PTPRD: variants seen among roughly 807,000 people sequenced by gnomAD.
PTPRD encodes the protein protein tyrosine phosphatase receptor type D.
PTPRD carries 34 observed loss-of-function variants against 214.5 expected under a neutral mutation model. That is an observed-to-expected ratio of 0.16 (90% CI 0.12 to 0.21). PTPRD has a LOEUF of 0.21. Among genes scored for constraint, PTPRD ranks in the 10% least tolerant of loss-of-function variants. The probability of loss-of-function intolerance (pLI) is 1.00; values close to 1 mark genes in which losing one functional copy is unlikely to be tolerated. For synonymous variants in PTPRD, 1,128 were observed against 845.7 expected (o/e 1.33, Z -5.79); for missense variants, 2,545 against 2,398.7 (o/e 1.06, Z -1.27).
At chr9:9,370,171 G>A (rs2059065468) in intron 9 of PTPRD, among the ~76,000 whole-genome samples, 2 of 152,024 alleles carry the variant, frequency 1.3e-5, no homozygotes, top group East Asian at 1.9e-4. Context: ...GCTTGATGGG[G>A]ATGGCATTGA....
chr9:8,331,856 A>C (rs1841553087), intron 43 of PTPRD, 120 bp from the exon 44 acceptor site: 16 of 1,223,600 alleles, frequency 1.3e-5, no homozygotes, highest in Non-Finnish European at 1.5e-5. Flanking sequence ...AGAAAAAGTT[A>C]GGAACATGTT....
chr9:10,309,322 G>T (rs1372677472), intron 3 of PTPRD, among the ~76,000 whole-genome samples: 3 of 151,544 alleles, frequency 2.0e-5, no homozygotes, highest in Non-Finnish European at 4.4e-5. Context: ...AAACCCAACT[G>T]ATTTCTTTCT....
intron 11 of PTPRD, among the ~76,000 whole-genome samples, chr9:8,844,500 G>A (rs1033042717): frequency 6.6e-6 from 1 of 151,956 alleles, no homozygotes; most frequent in African/African-American, 2.4e-5. Context: ...ATTTTTAAAA[G>A]CCTTGAAATA....
At chr9:8,485,605 G>A (rs920955931) in intron 28 of PTPRD, 157 bp downstream of exon 28, 1 of 705,956 alleles carries the variant, frequency 1.4e-6, no homozygotes. Flanking sequence ...GAAATCTAAG[G>A]CATCCAAGAC....
intron 37 of PTPRD, among the ~76,000 whole-genome samples, chr9:8,387,101 C>G (rs932564133): frequency 5.9e-5 from 9 of 152,284 alleles, no homozygotes; most frequent in Admixed American, 5.9e-4. Flanking sequence ...GAATAAAAAT[C>G]ACAAGACAGC....
chr9:9,012,130 G>A (rs2099514346), intron 11 of PTPRD, among the ~76,000 whole-genome samples: 2 of 152,166 alleles, frequency 1.3e-5, no homozygotes, highest in Non-Finnish European at 2.9e-5. Flanking sequence ...TCCTGGAGCT[G>A]AGAGTAGCCT....
At chr9:9,558,144 C>A (rs1017169359) in intron 8 of PTPRD, among the ~76,000 whole-genome samples, 6 of 152,136 alleles carry the variant, frequency 3.9e-5, no homozygotes, top group Non-Finnish European at 8.8e-5. Context: ...TCTCTGGGTG[C>A]CAGCGCGCCC....
chr9:10,370,028 C>G (rs957393820), intron 2 of PTPRD, among the ~76,000 whole-genome samples: 1 of 151,990 alleles, frequency 6.6e-6, no homozygotes, highest in African/African-American at 2.4e-5. Flanking sequence ...ATTATTATCC[C>G]TTTTCTACAG....
chr9:10,475,591 T>A lies in PTPRD; in HGVS notation c.-599-134574A>T, dbSNP rs111291942. ...CTGGTACCATTACTTCTGAAACTAT[T>A]CCAAACAATAGAAAAAAAGGGACTC... is the stretch of plus-strand genomic sequence containing the variant. On this transcript the variant is annotated intron_variant, in intron 2 of 45. Coordinates refer to ENST00000381196, the MANE Select transcript of PTPRD (RefSeq NM_002839.4). 7.1e-3 allele frequency among the ~76,000 whole-genome samples: 1,077 copies of A among 152,028 alleles called. 13 individuals are homozygous for A. Among genetic ancestry groups the A allele is most frequent in the African/African-American group, 0.025 (1,034 of 41,502 alleles).
At chr9:9,223,214 G>C (rs1041444960) in intron 9 of PTPRD, among the ~76,000 whole-genome samples, 8 of 151,880 alleles carry the variant, frequency 5.3e-5, no homozygotes, top group African/African-American at 9.7e-5. Flanking sequence ...AGAGCTGTGT[G>C]GGGGAGGTGG....
intron 7 of PTPRD, among the ~76,000 whole-genome samples, chr9:9,697,481 A>T (rs370837851): frequency 9.4e-4 from 143 of 152,082 alleles, no homozygotes; most frequent in African/African-American, 2.9e-3. Flanking sequence ...TCATTTTTTT[A>T]AATTTCAACA....
intron 12 of PTPRD, among the ~76,000 whole-genome samples, chr9:8,639,737 A>T (rs148463695): frequency 6.6e-6 from 1 of 152,318 alleles, no homozygotes; most frequent in East Asian, 1.9e-4. Flanking sequence ...TTGCCATGTA[A>T]GGACCTAAAT....
At chr9:9,388,664 A>G (rs1169262675) in intron 9 of PTPRD, among the ~76,000 whole-genome samples, 8 of 152,190 alleles carry the variant, frequency 5.3e-5, no homozygotes, top group Non-Finnish European at 1.0e-4. Context: ...TGTACCAGGA[A>G]AGTTTTAAAT....
chr9:9,324,808 G>A (rs1427406758), intron 9 of PTPRD, among the ~76,000 whole-genome samples: 1 of 152,056 alleles, frequency 6.6e-6, no homozygotes, highest in Admixed American at 6.6e-5. Context: ...TTTCCTCTAG[G>A]GTTTTTATGG....
chr9:10,003,324 T>C (rs1031312267), intron 4 of PTPRD, among the ~76,000 whole-genome samples: 5 of 151,818 alleles, frequency 3.3e-5, no homozygotes, highest in African/African-American at 4.8e-5. Context: ...TTAGATTTCA[T>C]AAATAGATGA....
chr9:8,897,778 T>A (rs1280499871), intron 11 of PTPRD, among the ~76,000 whole-genome samples: 1 of 152,286 alleles, frequency 6.6e-6, no homozygotes. Flanking sequence ...CTGAGTTGGA[T>A]AAACATTTGA....
intron 8 of PTPRD, among the ~76,000 whole-genome samples, chr9:9,457,875 C>T (rs142063351): frequency 0.022 from 3,287 of 152,146 alleles, 77 homozygotes; most frequent in African/African-American, 0.065. Flanking sequence ...AGTCCACTAA[C>T]ACTATAAATT....
At chr9:10,135,992 C>T (rs1051167294) in intron 3 of PTPRD, among the ~76,000 whole-genome samples, 5 of 150,850 alleles carry the variant, frequency 3.3e-5, no homozygotes, top group African/African-American at 9.8e-5. Flanking sequence ...AAGAGACCCA[C>T]GTCATATGTA....
intron 10 of PTPRD, among the ~76,000 whole-genome samples, chr9:9,114,565 A>G (rs992797652): frequency 3.9e-5 from 6 of 152,126 alleles, no homozygotes; most frequent in African/African-American, 1.2e-4. Context: ...CCTGAGACCC[A>G]GTGTATATGT....
Sources: allele counts gnomAD v4.1 joint callset (sites outside exome capture counted in the v4.1 genomes callset), GRCh38; gene constraint gnomAD v4.1.1; transcripts MANE v1.5; gene names NCBI Gene and HGNC (gene_info 2026-07-23, HGNC 2026-07-21).